The following AATF variants were observed in gnomAD, a reference collection of about 807,000 sequenced individuals.
AATF encodes the protein apoptosis antagonizing transcription factor, also known as protein AATF.
Under a neutral mutation model 63.7 loss-of-function variants are expected in AATF, and 48 were observed. The observed-to-expected ratio is 0.75, with a 90% CI of 0.60 to 0.96. The LOEUF is 0.96. Among genes scored for constraint, AATF ranks in the 40% least tolerant of loss-of-function variants. The pLI, the probability that AATF is intolerant of heterozygous loss-of-function variation, is 0.00. For missense variants in AATF, 639 were observed against 685.7 expected (o/e 0.93, Z 0.76); for synonymous variants, 258 against 247.7 (o/e 1.04, Z -0.39).
rs2070842383 is a variant in AATF at position 36,950,214 on chromosome 17, C to T, written c.92C>T (p.Ala31Val). The change falls in exon 2 of 12, where the codon GCC (alanine) becomes GTC (valine). Residue 31 changes from alanine (A) to valine (V), a missense_variant and splice_region_variant. Ala to Val is a moderately conservative substitution (Grantham distance 64). Transcript: ENST00000619387. ...EADPEADPEE[A>V]TAARVIDRFD... ...TTTACTTTTCCCTCTCCCCCGACAGCCACTGCTGCCAGGGTGATTGACAGG... is the reference window on the plus strand; with the variant it reads ...TTTACTTTTCCCTCTCCCCCGACAGTCACTGCTGCCAGGGTGATTGACAGG... 1 of 1,611,634 alleles carries T rather than the reference C, an allele frequency of 6.2e-7. No individual in the cohort carries two copies. The highest frequency in any genetic ancestry group is 1.1e-5 in the South Asian group (1 of 90,978).
At chr17:37,045,862 C>T (rs1245156095) in intron 11 of AATF, 1 of 152,212 alleles carries the variant, frequency 6.6e-6, no homozygotes, top group Admixed American at 6.5e-5. Context: ...TGTTGCAGGC[C>T]TGCTCAGTGC....
chr17:36,988,865 A>ACTT, intron 6 of AATF, 145 bp downstream of exon 6: 1 of 799,658 alleles, frequency 1.3e-6, no homozygotes, highest in Non-Finnish European at 2.0e-6. Context: ...AATCTACTGA[A>ACTT]CTTCTGGCAC....
At chr17:36,969,452 A>G (rs2071022244) in intron 4 of AATF, among the ~76,000 whole-genome samples, 1 of 152,178 alleles carries the variant, frequency 6.6e-6, no homozygotes, top group Non-Finnish European at 1.5e-5. Flanking sequence ...AGAAGATATG[A>G]TATTTTAACT....
intron 11 of AATF, among the ~76,000 whole-genome samples, chr17:37,046,595 G>C (rs2071693502): frequency 6.6e-6 from 1 of 152,116 alleles, no homozygotes; most frequent in Non-Finnish European, 1.5e-5. Context: ...CTAAGCAAAA[G>C]AAATCCTCCA....
At chr17:37,056,579 G>T in intron 11 of AATF, 22 bp from the exon 12 acceptor site, 2 of 1,613,872 alleles carry the variant, frequency 1.2e-6, no homozygotes, top group Non-Finnish European at 1.7e-6. Flanking sequence ...GTGTTAACCA[G>T]TTTGCTGTGT....
chr17:37,033,882 G>A lies in AATF; in HGVS notation c.1619+2197G>A, dbSNP rs111912564. 604 of 154,818 alleles carry A rather than the reference G, an allele frequency of 3.9e-3. 7 individuals are homozygous for A. The highest frequency in any genetic ancestry group is 0.014 in the African/African-American group (582 of 41,574). The allele number at this position is 154,818 out of a possible 1,614,324, so 9.6% of individuals were successfully genotyped here. The stretch of plus-strand genomic sequence containing the variant: ...AGCCATACCTGTTTGTTTTTAATCA[G>A]AAAAGTAAAACCTTCCCCAGAATTC... On this transcript the variant is annotated intron_variant, in intron 11 of 11. Transcript: ENST00000619387.
At chr17:37,031,380 G>A (rs1040528471) in intron 10 of AATF, 10 of 549,678 alleles carry the variant, frequency 1.8e-5, no homozygotes, top group African/African-American at 3.8e-5. Flanking sequence ...TTGAGCATCC[G>A]TGGATTTTTG....
intron 10 of AATF, among the ~76,000 whole-genome samples, chr17:37,021,511 C>A (rs1315195283): frequency 6.6e-6 from 1 of 152,034 alleles, no homozygotes; most frequent in Non-Finnish European, 1.5e-5. Flanking sequence ...TGCCTATAGT[C>A]CCAGCTACTC....
intron 11 of AATF, among the ~76,000 whole-genome samples, chr17:37,037,995 G>C (rs903940331): frequency 6.6e-6 from 1 of 152,152 alleles, no homozygotes; most frequent in African/African-American, 2.4e-5. Context: ...AGCTTCCAGA[G>C]GCCTCATCAG....
chr17:36,975,030 ACTGAGT>A (rs1567970277), intron 4 of AATF, among the ~76,000 whole-genome samples: 1 of 152,192 alleles, frequency 6.6e-6, no homozygotes, highest in Non-Finnish European at 1.5e-5. Flanking sequence ...TTCAGACAGT[ACTGAGT>A]CTGTTTCTTC....
In AATF at chr17:36,948,973, G is replaced by A. The variant is rs1313718949; in HGVS notation, c.-153G>A. 1.1e-5 allele frequency: 7 copies of A among 637,158 alleles called. No homozygotes were observed. Among genetic ancestry groups the A allele is most frequent in the South Asian group, 4.3e-5 (2 of 46,396 alleles). The allele number at this position is 637,158 out of a possible 1,614,324, so 39.5% of individuals were successfully genotyped here. ...TCCCGCGCGCCTCCCGGAAGTGGCC[G>A]GTCCAGAGCTGTGGGGTGGCCTCCG... is the stretch of plus-strand genomic sequence containing the variant. On this transcript the variant is annotated 5_prime_UTR_variant, in exon 1 of 12. Transcript: ENST00000619387.
Position 37,021,015 on chromosome 17 carries a change from G to T in AATF, c.1547+1G>T, listed in dbSNP as rs768992940. 1.9e-6 allele frequency: 3 copies of T among 1,609,026 alleles called. No individual in the cohort carries two copies. Among genetic ancestry groups the T allele is most frequent in the Non-Finnish European group, 2.5e-6 (3 of 1,177,518 alleles). On this transcript the variant is annotated splice_donor_variant, in intron 10 of 11. Coordinates refer to ENST00000619387, the MANE Select transcript of AATF (RefSeq NM_012138.4). LOFTEE classifies it high-confidence loss of function. ...AAGCCAGCAAAGGCAGGAAACTTCG[G>T]TGAGTTACTTTTCGGAAAAAATGTC...
chr17:36,990,983 G>A (rs1597715902), intron 8 of AATF, 126 bp downstream of exon 8: 8 of 575,186 alleles, frequency 1.4e-5, no homozygotes, highest in African/African-American at 3.9e-5. Context: ...TAGAACTCCC[G>A]CGTTCAAAAT....
intron 10 of AATF, among the ~76,000 whole-genome samples, chr17:37,023,828 C>T (rs986393004): frequency 4.6e-5 from 7 of 151,944 alleles, no homozygotes; most frequent in Admixed American, 6.6e-5. Context: ...GGTTCCAGGA[C>T]GCACAAACAG....
intron 11 of AATF, among the ~76,000 whole-genome samples, chr17:37,036,145 GT>G (rs2071590403): frequency 6.6e-6 from 1 of 152,122 alleles, no homozygotes; most frequent in Non-Finnish European, 1.5e-5. Context: ...TTGACTTCTT[GT>G]TCCCAGAGGC....
At chr17:36,987,739 T>G (rs1254937492) in intron 5 of AATF, among the ~76,000 whole-genome samples, 2 of 152,240 alleles carry the variant, frequency 1.3e-5, no homozygotes, top group Non-Finnish European at 2.9e-5. Flanking sequence ...TGCCTACCGC[T>G]TTGAGTTTTC....
intron 4 of AATF, among the ~76,000 whole-genome samples, chr17:36,954,244 CTGTAGAGAGGGATATTT>C (rs1163534078): frequency 6.6e-6 from 1 of 151,870 alleles, no homozygotes; most frequent in African/African-American, 2.4e-5. Flanking sequence ...ACCACCCTGC[CTGTAGAGAGGGATATTT>C]TGTAGAGACA....
intron 8 of AATF, among the ~76,000 whole-genome samples, chr17:37,012,559 A>G (rs1321218543): frequency 1.3e-5 from 2 of 152,226 alleles, no homozygotes; most frequent in Admixed American, 6.5e-5. Context: ...TAGGCTAAGT[A>G]AGTTTGATAG....
At chr17:36,991,237 G>A (rs1420614918) in intron 8 of AATF, among the ~76,000 whole-genome samples, 1 of 152,144 alleles carries the variant, frequency 6.6e-6, no homozygotes, top group Non-Finnish European at 1.5e-5. Flanking sequence ...GGAGGGCTGG[G>A]ATCCCAGAGT....
Sources: gnomAD v4.1 joint callset for allele counts (sites outside exome capture counted in the v4.1 genomes callset) on GRCh38, gnomAD v4.1.1 for gene constraint, MANE v1.5 for transcripts, NCBI Gene and HGNC (gene_info 2026-07-23, HGNC 2026-07-21) for gene names.